The following IQCM variants were observed in gnomAD, a reference collection of about 807,000 sequenced individuals.
The protein encoded by IQCM is IQ motif containing M, also known as IQ domain-containing protein M.
In IQCM, 45 loss-of-function variants were observed where a neutral mutation model predicts 57.6. The ratio of observed to expected loss-of-function variants is 0.78; its 90% CI spans 0.62 to 1.00. The LOEUF (loss-of-function observed/expected upper bound fraction) is 1.00. Among genes scored for constraint, IQCM ranks in the 50% least tolerant of loss-of-function variants. IQCM has a pLI of 0.00. For missense variants in IQCM, 468 were observed against 511.6 expected (o/e 0.91, Z 0.82); for synonymous variants, 148 against 158.9 (o/e 0.93, Z 0.51).
intron 2 of IQCM, among the ~76,000 whole-genome samples, chr4:149,805,439 C>G (rs995403038): frequency 6.6e-6 from 1 of 151,984 alleles, no homozygotes; most frequent in African/African-American, 2.4e-5. Flanking sequence ...TTGGGATGGT[C>G]ATTTCTAGCC....
rs183562332 is a variant in IQCM at position 149,461,039 on chromosome 4, A to G, written c.1229-27482T>C. Reference sequence around the variant, plus strand: ...CACCTGAGATCGGGAGTTCGAGACCAGCCTGACAGACATGGAGAAACCCAG... The same window carrying G: ...CACCTGAGATCGGGAGTTCGAGACCGGCCTGACAGACATGGAGAAACCCAG... On this transcript the variant is annotated intron_variant, in intron 12 of 13. Transcript: ENST00000636793. 1.2e-3 allele frequency among the ~76,000 whole-genome samples: 188 copies of G among 152,214 alleles called. 1 individual carries two copies. The highest frequency in any genetic ancestry group is 1.3e-3 in the Admixed American group (20 of 15,286).
intron 7 of IQCM, among the ~76,000 whole-genome samples, chr4:149,632,935 G>A (rs1167454042): frequency 6.6e-6 from 1 of 151,792 alleles, no homozygotes; most frequent in Non-Finnish European, 1.5e-5. Context: ...GCCGAGGCGG[G>A]TGGATCATGA....
At chr4:149,475,612 G>A (rs1371859204) in intron 12 of IQCM, among the ~76,000 whole-genome samples, 1 of 152,072 alleles carries the variant, frequency 6.6e-6, no homozygotes, top group East Asian at 1.9e-4. Context: ...AAAGACTGAG[G>A]CTTGGGGTCT....
chr4:149,582,366 ATATT>A, intron 9 of IQCM, among the ~76,000 whole-genome samples: 1 of 67,488 alleles, frequency 1.5e-5, no homozygotes, highest in Non-Finnish European at 3.1e-5. Flanking sequence ...ATATATATAT[ATATT>A]TAGTTGAAAT....
chr4:149,788,223 A>T (rs1279255766), intron 2 of IQCM, among the ~76,000 whole-genome samples: 4 of 152,194 alleles, frequency 2.6e-5, no homozygotes, highest in Non-Finnish European at 5.9e-5. Context: ...AATCCCAGCT[A>T]CTTGGAAGGC....
intron 8 of IQCM, among the ~76,000 whole-genome samples, chr4:149,597,433 C>T (rs1753883106): frequency 6.6e-6 from 1 of 152,102 alleles, no homozygotes; most frequent in Non-Finnish European, 1.5e-5. Context: ...CTCTGCTGCC[C>T]AGGCTGGAGT....
intron 13 of IQCM, among the ~76,000 whole-genome samples, chr4:149,398,200 A>G (rs895286486): frequency 2.0e-5 from 3 of 151,920 alleles, no homozygotes; most frequent in African/African-American, 7.2e-5. Context: ...GTATGGGTAT[A>G]ATTACTTCTG....
intron 12 of IQCM, among the ~76,000 whole-genome samples, chr4:149,453,038 T>TA (rs1227603321): frequency 9.1e-4 from 119 of 130,294 alleles, no homozygotes; most frequent in East Asian, 1.8e-3. Context: ...AGGAAATGAG[T>TA]AAAAAAAAAA....
At chr4:149,375,414 C>A (rs918415270) in intron 13 of IQCM, among the ~76,000 whole-genome samples, 1 of 152,100 alleles carries the variant, frequency 6.6e-6, no homozygotes. Flanking sequence ...ATGATCAAAT[C>A]AGAGAAGTCT....
At chr4:149,520,114 T>C (rs1327991411) in intron 12 of IQCM, among the ~76,000 whole-genome samples, 1 of 152,186 alleles carries the variant, frequency 6.6e-6, no homozygotes, top group Non-Finnish European at 1.5e-5. Flanking sequence ...AGGGTAATAA[T>C]GGTTAACATT....
chr4:149,714,848 C>T (rs1764858394), intron 5 of IQCM, among the ~76,000 whole-genome samples: 1 of 152,098 alleles, frequency 6.6e-6, no homozygotes, highest in Admixed American at 6.5e-5. Flanking sequence ...GGATGGGGCA[C>T]ATATATAGTG....
At chr4:149,481,755 G>C (rs931280327) in intron 12 of IQCM, among the ~76,000 whole-genome samples, 1 of 100,954 alleles carries the variant, frequency 9.9e-6, no homozygotes, top group Admixed American at 1.2e-4. Flanking sequence ...GGCTATTCTG[G>C]GTCTTCTGTG....
At chr4:149,718,399 A>T (rs1182794760) in intron 5 of IQCM, among the ~76,000 whole-genome samples, 1 of 152,236 alleles carries the variant, frequency 6.6e-6, no homozygotes, top group African/African-American at 2.4e-5. Flanking sequence ...CATGGTACAC[A>T]GTATCTGGTT....
At chr4:149,611,576 C>A (rs1432846146) in intron 8 of IQCM, among the ~76,000 whole-genome samples, 1 of 151,980 alleles carries the variant, frequency 6.6e-6, no homozygotes, top group Non-Finnish European at 1.5e-5. Flanking sequence ...TGAAATAAGC[C>A]AGGCACAAAA....
At chr4:149,525,169 C>G (rs986044164) in intron 12 of IQCM, among the ~76,000 whole-genome samples, 3 of 151,834 alleles carry the variant, frequency 2.0e-5, no homozygotes, top group East Asian at 3.8e-4. Flanking sequence ...AACATAATCT[C>G]AACTGCAAAA....
At chr4:149,710,147 A>G (rs1345500424) in intron 5 of IQCM, among the ~76,000 whole-genome samples, 1 of 152,142 alleles carries the variant, frequency 6.6e-6, no homozygotes, top group Non-Finnish European at 1.5e-5. Flanking sequence ...TCTAAATGTA[A>G]TTATGCCCTA....
intron 2 of IQCM, among the ~76,000 whole-genome samples, chr4:149,760,206 C>T (rs1377899600): frequency 6.6e-6 from 1 of 151,384 alleles, no homozygotes; most frequent in Non-Finnish European, 1.5e-5. Flanking sequence ...GGTCTTACAT[C>T]GAAGAAGAAA....
intron 7 of IQCM, among the ~76,000 whole-genome samples, chr4:149,658,727 A>AT (rs1210189168): frequency 1.3e-5 from 2 of 151,894 alleles, no homozygotes; most frequent in Non-Finnish European, 2.9e-5. Flanking sequence ...AGGTATCTTA[A>AT]TTTTTTTATA....
chr4:149,491,437 G>A (rs1742083816), intron 12 of IQCM, among the ~76,000 whole-genome samples: 1 of 151,930 alleles, frequency 6.6e-6, no homozygotes, highest in South Asian at 2.1e-4. Context: ...TCAGCCCCTG[G>A]TAAACCATCA....
Sources: allele counts gnomAD v4.1 joint callset (sites outside exome capture counted in the v4.1 genomes callset), GRCh38; gene constraint gnomAD v4.1.1; transcripts MANE v1.5; gene names NCBI Gene and HGNC (gene_info 2026-07-23, HGNC 2026-07-21).